ZBTB46: variants seen among roughly 807,000 people sequenced by gnomAD.
ZBTB46 encodes the protein zinc finger and BTB domain containing 46, also known as zinc finger and BTB domain-containing protein 46.
ZBTB46 carries 8 observed loss-of-function variants against 44.1 expected under a neutral mutation model. The ratio of observed to expected loss-of-function variants is 0.18; its 90% CI spans 0.11 to 0.33. The LOEUF (loss-of-function observed/expected upper bound fraction) is 0.33, where lower values mean the gene tolerates loss of function less well. Among genes scored for constraint, ZBTB46 ranks in the 10% least tolerant of loss-of-function variants. ZBTB46 has a pLI of 1.00. For synonymous variants in ZBTB46, 409 were observed against 382.3 expected (o/e 1.07, Z -0.81); for missense variants, 651 against 847.7 (o/e 0.77, Z 2.88).
chr20:63,830,939 G>A (rs1443115516), intron 1 of ZBTB46, among the ~76,000 whole-genome samples, 158 bp downstream of exon 1: 10 of 142,440 alleles, frequency 7.0e-5, no homozygotes, highest in African/African-American at 2.3e-4. Flanking sequence ...GATGGCCCCC[G>A]GGAGGGCGCC....
At chr20:63,788,921 C>T (rs879900600) in intron 2 of ZBTB46, among the ~76,000 whole-genome samples, 2 of 150,502 alleles carry the variant, frequency 1.3e-5, no homozygotes, top group Admixed American at 6.6e-5. Flanking sequence ...CCACAACCTC[C>T]GCCTCCCAGG....
At chr20:63,815,946 A>AGTGGGCACAG (rs1217747751) in intron 1 of ZBTB46, among the ~76,000 whole-genome samples, 20,540 of 123,334 alleles carry the variant, frequency 0.17, 2,195 homozygotes, top group East Asian at 0.46. Flanking sequence ...GTGCAGGTAC[A>AGTGGGCACAG]GTGGGCACAG....
In ZBTB46 at chr20:63,752,828, T is replaced by C; in HGVS notation, c.1256A>G (p.Lys419Arg). The C allele has an allele frequency of 6.2e-7, 1 of 1,611,004 alleles. No homozygotes were observed. The highest frequency in any genetic ancestry group is 8.5e-7 in the Non-Finnish European group (1 of 1,178,086). Residue 419 changes from lysine (K) to arginine (R), a missense_variant, in exon 4 of 5, where the codon AAG (lysine) becomes AGG (arginine). By Grantham distance (26) the Lys-to-Arg change is conservative (BLOSUM62 2). This residue lies in a region of ZBTB46 where 385 missense variants were observed against 423.3 expected (regional missense o/e 0.91). Transcript: ENST00000245663. The surrounding 1 kb of genome is among the most constrained non-coding windows in gnomAD (Gnocchi z 5.6). ...NEFTVIRKKF[K>R]CPYCSFSAMH... The stretch of plus-strand genomic sequence containing the variant: ...GGCCGAGAAGCTGCAGTACGGACAC[T>C]TGAACTTCTTCCTGATCACCGTGAA...
At chr20:63,781,426 G>T (rs537503550) in intron 2 of ZBTB46, among the ~76,000 whole-genome samples, 1 of 152,256 alleles carries the variant, frequency 6.6e-6, no homozygotes, top group East Asian at 1.9e-4. Flanking sequence ...ACGGCAAAAA[G>T]ACCTGGACAG....
chr20:63,770,396 C>T (rs2092358659), intron 3 of ZBTB46, among the ~76,000 whole-genome samples: 1 of 152,114 alleles, frequency 6.6e-6, no homozygotes, highest in African/African-American at 2.4e-5. Flanking sequence ...TAAAAGTAAG[C>T]ACGAAGTTCA....
intron 1 of ZBTB46, among the ~76,000 whole-genome samples, chr20:63,811,081 T>C (rs560988026): frequency 1.7e-4 from 26 of 152,128 alleles, no homozygotes; most frequent in African/African-American, 5.5e-4. Flanking sequence ...AGAGTCTGCC[T>C]CTCTGGGTCC....
intron 3 of ZBTB46, among the ~76,000 whole-genome samples, chr20:63,755,476 T>C (rs2092212238): frequency 6.6e-6 from 1 of 152,196 alleles, no homozygotes; most frequent in Admixed American, 6.5e-5. Context: ...CTCTTCCTCT[T>C]CTCTTAGAAG....
intron 3 of ZBTB46, among the ~76,000 whole-genome samples, chr20:63,770,336 G>A (rs2092357550): frequency 6.6e-6 from 1 of 151,760 alleles, no homozygotes. Context: ...TCTACTGGGA[G>A]AACAATGTCT....
intron 4 of ZBTB46, among the ~76,000 whole-genome samples, chr20:63,750,649 A>G (rs1209367111): frequency 6.6e-6 from 1 of 152,162 alleles, no homozygotes; most frequent in Non-Finnish European, 1.5e-5. Context: ...TCACACCTGT[A>G]ATCCCAGCAC....
chr20:63,805,040 C>A (rs2092672852), intron 1 of ZBTB46, among the ~76,000 whole-genome samples: 1 of 151,488 alleles, frequency 6.6e-6, no homozygotes, highest in African/African-American at 2.4e-5. Context: ...CCTGCCTCAG[C>A]CTCCTGAGTA....
At chr20:63,777,523 C>G (rs888417606) in intron 2 of ZBTB46, among the ~76,000 whole-genome samples, 12 of 152,126 alleles carry the variant, frequency 7.9e-5, no homozygotes, top group African/African-American at 2.9e-4. Flanking sequence ...GAAATCAGAA[C>G]CCTGGAACCT....
At chr20:63,817,508 A>C (rs187290111) in intron 1 of ZBTB46, among the ~76,000 whole-genome samples, 2 of 151,930 alleles carry the variant, frequency 1.3e-5, no homozygotes, top group Non-Finnish European at 2.9e-5. Flanking sequence ...TGAGGTCAGG[A>C]GTTCGAGACC....
At chr20:63,754,842 G>A (rs958146675) in intron 3 of ZBTB46, among the ~76,000 whole-genome samples, 2 of 151,116 alleles carry the variant, frequency 1.3e-5, no homozygotes, top group African/African-American at 2.4e-5. Flanking sequence ...CTCGTGATCC[G>A]CCCGCCTCGG....
At chr20:63,797,881 T>G (rs2092615531) in intron 1 of ZBTB46, among the ~76,000 whole-genome samples, 2 of 152,234 alleles carry the variant, frequency 1.3e-5, no homozygotes, top group South Asian at 4.1e-4. Context: ...TTGTTTAAGT[T>G]CTTTGTAGAT....
chr20:63,765,044 CGTGT>C (rs3068812), intron 3 of ZBTB46, among the ~76,000 whole-genome samples: 123,895 of 150,880 alleles, frequency 0.82, 51,121 homozygotes, highest in African/African-American at 0.85. Context: ...TGTGTGCGTG[CGTGT>C]GTGTGTATGT....
chr20:63,755,557 A>G (rs2092213076), intron 3 of ZBTB46, among the ~76,000 whole-genome samples: 2 of 152,220 alleles, frequency 1.3e-5, no homozygotes, highest in South Asian at 4.1e-4. Context: ...CCTTTATCAC[A>G]TCTGCAAGAC....
chr20:63,815,489 G>A (rs867234053), intron 1 of ZBTB46, among the ~76,000 whole-genome samples: 76 of 145,274 alleles, frequency 5.2e-4, no homozygotes, highest in African/African-American at 1.9e-3. Context: ...TGCAGTGAGT[G>A]CAGGTGGGCA....
intron 1 of ZBTB46, among the ~76,000 whole-genome samples, chr20:63,813,456 A>AATAAAT (rs538755327): frequency 5.3e-5 from 8 of 151,140 alleles, no homozygotes; most frequent in African/African-American, 2.0e-4. Context: ...TCAAAAAAAA[A>AATAAAT]AAATAAATAA....
rs918021142 is a variant in ZBTB46 at position 63,787,063 on chromosome 20, C to CTAA, written c.937+2757_937+2758insTTA. 6.6e-6 allele frequency among the ~76,000 whole-genome samples: 1 copy of CTAA among 152,154 alleles called. No homozygotes were observed. The highest frequency in any genetic ancestry group is 2.4e-5 in the African/African-American group (1 of 41,430). On this transcript the variant is annotated intron_variant, in intron 2 of 4. Coordinates refer to ENST00000245663, the MANE Select transcript of ZBTB46 (RefSeq NM_001369741.1). This position sits in a 1 kb window ranked among gnomAD's most constrained non-coding sequence, Gnocchi z 4.6. ...TTGTGTCAAAGTAGAACAGCATTTA[C>CTAA]CCGCAGGTGGGGTAGAGGCAAGAGG... is the stretch of plus-strand genomic sequence containing the variant.
Sources: gnomAD v4.1 joint callset for allele counts (sites outside exome capture counted in the v4.1 genomes callset) on GRCh38, gnomAD v4.1.1 for gene constraint, gnomAD v4.1.1 regional missense constraint, Gnocchi (gnomAD v3.1) non-coding constraint, MANE v1.5 for transcripts, NCBI Gene and HGNC (gene_info 2026-07-23, HGNC 2026-07-21) for gene names.